DNAAF5: variants seen among roughly 807,000 people sequenced by gnomAD.
DNAAF5 encodes the protein HEAT repeat containing 2.
A neutral mutation model predicts 75.8 loss-of-function variants in DNAAF5; 64 were observed. That is an observed-to-expected ratio of 0.84 (90% CI 0.69 to 1.04). The LOEUF (loss-of-function observed/expected upper bound fraction) is 1.04, where lower values mean the gene tolerates loss of function less well. Among genes scored for constraint, DNAAF5 ranks in the 50% least tolerant of loss-of-function variants. The probability of loss-of-function intolerance (pLI) is 0.00; values close to 1 mark genes in which losing one functional copy is unlikely to be tolerated. For synonymous variants in DNAAF5, 657 were observed against 557.2 expected (o/e 1.18, Z -2.52); for missense variants, 1,269 against 1,178.5 (o/e 1.08, Z -1.12).
chr7:749,184 C>T (rs1315890666), intron 4 of DNAAF5, among the ~76,000 whole-genome samples: 2 of 152,194 alleles, frequency 1.3e-5, no homozygotes, highest in East Asian at 1.9e-4. Flanking sequence ...AACAGAGTGC[C>T]CTTCTCACAC....
At chr7:784,103 C>T (rs931629292) in intron 12 of DNAAF5, among the ~76,000 whole-genome samples, 3 of 152,128 alleles carry the variant, frequency 2.0e-5, no homozygotes, top group Non-Finnish European at 4.4e-5. Flanking sequence ...TCCTCGAGGC[C>T]CTGGGCCCAT....
At chr7:753,882 GTCTC>G (rs375366120) in intron 4 of DNAAF5, among the ~76,000 whole-genome samples, 462 of 140,532 alleles carry the variant, frequency 3.3e-3, no homozygotes, top group East Asian at 0.012. Context: ...CTTCGCAGGC[GTCTC>G]TCTCTCATCA....
At position 780,226 on chromosome 7, in the gene DNAAF5, C is replaced by G. The variant is rs75649993; in HGVS notation, c.2431+82C>G. The G allele has an allele frequency of 3.2e-3, 4,369 of 1,348,282 alleles. 79 individuals carry two copies. In the Admixed American group the frequency reaches 0.037, roughly 11 times the overall value. 83.5% of individuals were successfully genotyped at this position (1,348,282 alleles called of 1,614,324 possible). On this transcript the variant is annotated intron_variant, in intron 12 of 12. Coordinates refer to ENST00000297440, the MANE Select transcript of DNAAF5 (RefSeq NM_017802.4). ...GGCATCTGTAGCTGAGCCGTGTGAC[C>G]GGCCACAGGGCCCTGGGGCACAGGA...
intron 4 of DNAAF5, among the ~76,000 whole-genome samples, chr7:747,560 A>T (rs1375810553): frequency 2.1e-5 from 2 of 94,302 alleles, no homozygotes; most frequent in African/African-American, 8.6e-5. Context: ...TTTTTAGTGT[A>T]TCCAGCTGGT....
At position 726,912 on chromosome 7, in the gene DNAAF5, C is replaced by T; in HGVS notation, c.192C>T (p.Ala64=). ...CGCTGGAGGAGCCAGGCCCTGCCGC[C>T]GACCCCACCGCTTTCCAGGGCCCCT... The part of the protein sequence containing the change: ...RRALEEPGPA[A]DPTAFQGPWA... The change falls in exon 1 of 13, where the codon GCC becomes GCT. Residue 64 remains alanine (A), a synonymous_variant. Coordinates refer to ENST00000297440, the MANE Select transcript of DNAAF5 (RefSeq NM_017802.4). 1 of 1,345,160 alleles carries T rather than the reference C, an allele frequency of 7.4e-7. No homozygotes were observed. Among genetic ancestry groups the T allele is most frequent in the Non-Finnish European group, 9.6e-7 (1 of 1,046,834 alleles). 83.3% of individuals were successfully genotyped at this position (1,345,160 alleles called of 1,614,324 possible).
At chr7:781,372 G>A (rs192081863) in intron 12 of DNAAF5, among the ~76,000 whole-genome samples, 2 of 152,292 alleles carry the variant, frequency 1.3e-5, no homozygotes, top group East Asian at 1.9e-4. Context: ...TTTTGTGGCC[G>A]GATAATATTC....
chr7:779,813 C>T (rs914626505), intron 11 of DNAAF5, 140 bp from the exon 12 acceptor site: 17 of 692,118 alleles, frequency 2.5e-5, no homozygotes, highest in African/African-American at 2.0e-4. Flanking sequence ...TCGGGATGCA[C>T]GGAGTCTCCC....
chr7:778,795 G>A (rs546557661), intron 11 of DNAAF5: 1 of 152,912 alleles, frequency 6.5e-6, no homozygotes, highest in Non-Finnish European at 1.5e-5. Context: ...TGTGCAGTGA[G>A]GGCACCTGCC....
intron 4 of DNAAF5, among the ~76,000 whole-genome samples, chr7:751,243 A>G (rs1270164019): frequency 6.6e-6 from 1 of 152,230 alleles, no homozygotes; most frequent in Non-Finnish European, 1.5e-5. Flanking sequence ...CAGAATTTTA[A>G]TTATTTGGAA....
Position 780,014 on chromosome 7 carries a change from G to C in DNAAF5, c.2301G>C (p.Leu767Phe), listed in dbSNP as rs1257480659. The change falls in exon 12 of 13, where the codon TTG (leucine) becomes TTC (phenylalanine). Residue 767 changes from leucine to phenylalanine, a missense_variant. Coordinates refer to ENST00000297440, the MANE Select transcript of DNAAF5 (RefSeq NM_017802.4). ...NDVRMAAAST[L>F]VTWLQCVKGA... Reference sequence around the variant, plus strand: ...TGAGGATGGCAGCCGCCTCCACCTTGGTCACCTGGCTGCAGTGTGTCAAGG... The same window carrying C: ...TGAGGATGGCAGCCGCCTCCACCTTCGTCACCTGGCTGCAGTGTGTCAAGG... 6.2e-7 allele frequency: 1 copy of C among 1,614,214 alleles called. No individual in the cohort carries two copies. Among genetic ancestry groups the C allele is most frequent in the Non-Finnish European group, 8.5e-7 (1 of 1,180,022 alleles).
chr7:772,426 C>T (rs77257316), intron 9 of DNAAF5: 2,320 of 152,366 alleles, frequency 0.015, 40 homozygotes, highest in East Asian at 0.12. Context: ...GCTCAGCCTG[C>T]GTCTGACAGA....
chr7:782,785 G>A lies in DNAAF5; in HGVS notation c.2431+2641G>A, dbSNP rs192208725. Among the ~76,000 whole-genome samples, 1,047 of 147,390 alleles carry A rather than the reference G, an allele frequency of 7.1e-3. 15 individuals carry two copies. Among genetic ancestry groups the A allele is most frequent in the Middle Eastern group, 0.026 (7 of 272 alleles). On this transcript the variant is annotated intron_variant, in intron 12 of 12. Coordinates refer to ENST00000297440, the MANE Select transcript of DNAAF5 (RefSeq NM_017802.4). ...GATCTTCCTGGCGTGGCCGCCTCCC[G>A]TCACGCAGCGTCAGAAACTCGGTCT... is the stretch of plus-strand genomic sequence containing the variant.
chr7:783,738 C>T (rs1049887914), intron 12 of DNAAF5, among the ~76,000 whole-genome samples: 1 of 152,162 alleles, frequency 6.6e-6, no homozygotes, highest in Non-Finnish European at 1.5e-5. Context: ...CACTCCCTGG[C>T]AAATCCCAGC....
chr7:727,176 C>T lies in DNAAF5; in HGVS notation c.456C>T (p.Ala152=). 2.2e-6 allele frequency: 3 copies of T among 1,334,982 alleles called. No homozygotes were observed. Among genetic ancestry groups the T allele is most frequent in the Non-Finnish European group, 2.9e-6 (3 of 1,038,228 alleles). 82.7% of individuals were successfully genotyped at this position (1,334,982 alleles called of 1,614,324 possible). A position where few individuals can be genotyped will look rare whatever the true frequency, so the allele number is the denominator to read the frequency against. The stretch of plus-strand genomic sequence containing the variant: ...CGCTTGTGCAGCTGCTGGGCCTGGC[C>T]GTGGACCTGTGCGGCGCCGCGCTCG... ...RLALVQLLGL[A]VDLCGAALAP... is the part of the protein sequence containing the mutation. Residue 152 remains alanine, a synonymous_variant, in exon 1 of 13, where the codon GCC becomes GCT. Transcript: ENST00000297440.
At chr7:728,118 T>G (rs1481263317) in intron 1 of DNAAF5, among the ~76,000 whole-genome samples, 1 of 152,162 alleles carries the variant, frequency 6.6e-6, no homozygotes, top group Non-Finnish European at 1.5e-5. Flanking sequence ...ACGTTCCCCA[T>G]CTTTTTTAGA....
chr7:736,486 G>T (rs1421026592), intron 2 of DNAAF5, among the ~76,000 whole-genome samples: 1 of 152,220 alleles, frequency 6.6e-6, no homozygotes, highest in South Asian at 2.1e-4. Context: ...TATAGTTTTC[G>T]TCTTGAAATC....
At position 727,086 on chromosome 7, in the gene DNAAF5, C is replaced by A; in HGVS notation, c.366C>A (p.Ala122=). Residue 122 remains alanine (A), a synonymous_variant, in exon 1 of 13, where the codon GCC becomes GCA. Transcript: ENST00000297440. ...DALPRLLPAL[A]ARLAGPVPAR... ...TGCCGCGCCTGCTGCCCGCGCTCGC[C>A]GCGCGCTTGGCCGGCCCCGTGCCCG... 9.5e-7 allele frequency: 1 copy of A among 1,049,108 alleles called. No homozygotes were observed. The highest frequency in any genetic ancestry group is 1.1e-6 in the Non-Finnish European group (1 of 874,068). 65.0% of individuals were successfully genotyped at this position (1,049,108 alleles called of 1,614,324 possible). A position where few individuals can be genotyped will look rare whatever the true frequency, so the allele number is the denominator to read the frequency against.
intron 5 of DNAAF5, among the ~76,000 whole-genome samples, chr7:755,541 C>T (rs556113587): frequency 1.3e-5 from 2 of 152,312 alleles, no homozygotes; most frequent in Admixed American, 1.3e-4. Flanking sequence ...GCAAGGTAGC[C>T]TGGCCAGCAG....
At chr7:766,916 C>A (rs1386606676) in intron 8 of DNAAF5, among the ~76,000 whole-genome samples, 2 of 152,106 alleles carry the variant, frequency 1.3e-5, no homozygotes, top group Non-Finnish European at 2.9e-5. Context: ...CTATCCAGCC[C>A]TTCTAGTGAT....
Sources: gnomAD v4.1 joint callset for allele counts (sites outside exome capture counted in the v4.1 genomes callset) on GRCh38, gnomAD v4.1.1 for gene constraint, MANE v1.5 for transcripts, NCBI Gene and HGNC (gene_info 2026-07-23, HGNC 2026-07-21) for gene names.